Variants in ANKRD11 observed in about 807,000 individuals in gnomAD.
ANKRD11 encodes ankyrin repeat domain 11.
Under a neutral mutation model 195.7 loss-of-function variants are expected in ANKRD11, and 17 were observed. The observed-to-expected ratio is 0.09, with a 90% confidence interval of 0.06 to 0.13. ANKRD11 has a LOEUF of 0.13. ANKRD11 is among the 10% of genes least tolerant of loss of function. The pLI is 1.00. For missense variants in ANKRD11, 3,735 were observed against 3,566.1 expected (o/e 1.05, Z -1.21); for synonymous variants, 1,953 against 1,528.1 (o/e 1.28, Z -6.49).
intron 1 of ANKRD11, among the ~76,000 whole-genome samples, chr16:89,445,755 A>T (rs2043757436): frequency 6.6e-6 from 1 of 151,976 alleles, no homozygotes; most frequent in South Asian, 2.1e-4. Context: ...CAGGCAGATC[A>T]CCTGAGGTCA....
intron 2 of ANKRD11, among the ~76,000 whole-genome samples, chr16:89,320,675 G>A (rs1329180487): frequency 2.0e-5 from 3 of 152,152 alleles, no homozygotes; most frequent in Admixed American, 6.5e-5. Context: ...AAGCCACGGC[G>A]CCAAAGCTGT....
chr16:89,322,106 T>C (rs1384552135), intron 2 of ANKRD11, among the ~76,000 whole-genome samples: 1 of 152,136 alleles, frequency 6.6e-6, no homozygotes, highest in East Asian at 1.9e-4. Flanking sequence ...TTAGTTAAGT[T>C]TGGGGAAAGT....
Position 89,284,748 on chromosome 16 carries a change from G to A in ANKRD11, c.1794C>T (p.His598=). The change falls in exon 9 of 13, where the codon CAC becomes CAT. Residue 598 remains histidine (H), a synonymous_variant. Transcript: ENST00000301030. ...SLKPVRKRQE[H]RKRASLSEKK... ...TCTCCGACAGGGAGGCTCGCTTCCT[G>A]TGCTCCTGCCTCTTCCTCACTGGCT... is the stretch of plus-strand genomic sequence containing the variant. 1 of 1,613,558 alleles carries A rather than the reference G, an allele frequency of 6.2e-7. No individual in the cohort carries two copies. The highest frequency in any genetic ancestry group is 8.5e-7 in the Non-Finnish European group (1 of 1,179,976).
chr16:89,484,591 C>G (rs145046475), intron 1 of ANKRD11, among the ~76,000 whole-genome samples: 46 of 152,274 alleles, frequency 3.0e-4, no homozygotes, highest in African/African-American at 1.1e-3. Flanking sequence ...CGAGGAAGGG[C>G]AACTTACTAT....
intron 2 of ANKRD11, among the ~76,000 whole-genome samples, chr16:89,333,609 C>T (rs2038181516): frequency 6.6e-6 from 1 of 152,198 alleles, no homozygotes; most frequent in African/African-American, 2.4e-5. Context: ...AGAGTCGGAA[C>T]CCTACAGTGT....
chr16:89,464,607 T>TA (rs377695519), intron 1 of ANKRD11, among the ~76,000 whole-genome samples: 58,462 of 116,040 alleles, frequency 0.5, 14,274 homozygotes, highest in Middle Eastern at 0.65. Flanking sequence ...GACTCCATCT[T>TA]AAAAAAAAAA....
chr16:89,459,591 A>G lies in ANKRD11; in HGVS notation c.-145+30654T>C, dbSNP rs543890357. On this transcript the variant is annotated intron_variant, in intron 1 of 12. Coordinates refer to ENST00000301030, the MANE Select transcript of ANKRD11 (RefSeq NM_013275.6). ...TCAGTTCCTGCATAATATGTTTGGTAAACAACTAAAAAACTGATTCCTAGT... is the reference window on the plus strand; with the variant it reads ...TCAGTTCCTGCATAATATGTTTGGTGAACAACTAAAAAACTGATTCCTAGT... Among the ~76,000 whole-genome samples the G allele has an allele frequency of 2.6e-5, 4 of 152,310 alleles. No homozygotes were observed. In the East Asian group the frequency reaches 7.7e-4, roughly 29 times the overall value.
At chr16:89,344,439 T>G (rs1014876655) in intron 2 of ANKRD11, among the ~76,000 whole-genome samples, 2 of 152,198 alleles carry the variant, frequency 1.3e-5, no homozygotes, top group Non-Finnish European at 2.9e-5. Context: ...GGGCCACTGC[T>G]GTCCACACAC....
At chr16:89,419,883 A>G (rs958226938) in intron 1 of ANKRD11, among the ~76,000 whole-genome samples, 7 of 152,166 alleles carry the variant, frequency 4.6e-5, no homozygotes, top group African/African-American at 7.2e-5. Flanking sequence ...ACCATTAAAA[A>G]TAAGTGTGTG....
At position 89,304,293 on chromosome 16, in the gene ANKRD11, T is replaced by C. The variant is rs528257680; in HGVS notation, c.226+913A>G. Among the ~76,000 whole-genome samples, 8 of 151,426 alleles carry C rather than the reference T, an allele frequency of 5.3e-5. No individual in the cohort carries two copies. The East Asian group carries it at 1.6e-3, about 29-fold the overall frequency. On this transcript the variant is annotated intron_variant, in intron 4 of 12. Transcript: ENST00000301030. ...ACACGGGCACACAGGCATGCACACATGGGCACACAGGCACACACGTACACA... is the reference window on the plus strand; with the variant it reads ...ACACGGGCACACAGGCATGCACACACGGGCACACAGGCACACACGTACACA...
intron 9 of ANKRD11, among the ~76,000 whole-genome samples, chr16:89,277,055 TA>T (rs35025100): frequency 4.4e-4 from 63 of 143,324 alleles, no homozygotes; most frequent in Non-Finnish European, 4.6e-4. Context: ...GACTCTGTCT[TA>T]AAAAAAAAAA....
rs2042012154 is a variant in ANKRD11, at chr16:89,408,914, G to A, written c.-60+9370C>T. On this transcript the variant is annotated intron_variant, in intron 2 of 12. Coordinates refer to ENST00000301030, the MANE Select transcript of ANKRD11 (RefSeq NM_013275.6). ...CATGTGCCTCTCACAGACCTTAGGA[G>A]TTACTGGGAAATACAAGTGAACAGG... is the stretch of plus-strand genomic sequence containing the variant. 2.0e-5 allele frequency among the ~76,000 whole-genome samples: 3 copies of A among 152,350 alleles called. No homozygotes were observed. In the Middle Eastern group the frequency reaches 0.01, roughly 518 times the overall value.
chr16:89,321,838 C>T (rs2037347231), intron 2 of ANKRD11, among the ~76,000 whole-genome samples: 1 of 152,220 alleles, frequency 6.6e-6, no homozygotes, highest in Admixed American at 6.5e-5. Context: ...TCTTCCACCT[C>T]TGCCTCTCCT....
chr16:89,488,392 A>G (rs1421159949), intron 1 of ANKRD11, among the ~76,000 whole-genome samples: 2 of 151,862 alleles, frequency 1.3e-5, no homozygotes, highest in Non-Finnish European at 2.9e-5. Flanking sequence ...CACACCAACT[A>G]TACGAGATCC....
At chr16:89,331,886 C>T (rs139362368) in intron 2 of ANKRD11, among the ~76,000 whole-genome samples, 50 of 151,550 alleles carry the variant, frequency 3.3e-4, no homozygotes, top group East Asian at 2.4e-3. Context: ...TCCGGGTTAA[C>T]GGGCTGGGGT....
chr16:89,479,130 G>T (rs183357144), intron 1 of ANKRD11, among the ~76,000 whole-genome samples: 2 of 151,922 alleles, frequency 1.3e-5, no homozygotes, highest in Admixed American at 1.3e-4. Context: ...AGCAAGTCAC[G>T]CCACCACCTA....
intron 1 of ANKRD11, among the ~76,000 whole-genome samples, chr16:89,438,625 GCCCA>G (rs2043316690): frequency 1.3e-5 from 2 of 152,030 alleles, no homozygotes; most frequent in Admixed American, 1.3e-4. Context: ...GAGCCACCGT[GCCCA>G]TCCAAGAAAA....
Position 89,280,985 on chromosome 16 carries a change from G to A in ANKRD11, c.5557C>T (p.Pro1853Ser). ...FACLSPGYYS[P>S]DYGLPSPKVD... is the part of the protein sequence containing the mutation. ...TTGGGCGACGGGAGGCCATAGTCTG[G>A]GGAGTAGTACCCTGGCGACAAGCAG... Residue 1853 changes from proline (P) to serine (S), a missense_variant, in exon 9 of 13, where the codon CCA becomes TCA. Transcript: ENST00000301030. The A allele has an allele frequency of 1.3e-6, 2 of 1,575,924 alleles. No homozygotes were observed. Among genetic ancestry groups the A allele is most frequent in the Non-Finnish European group, 1.7e-6 (2 of 1,158,870 alleles).
intron 1 of ANKRD11, among the ~76,000 whole-genome samples, chr16:89,480,723 A>G (rs2057417712): frequency 6.6e-6 from 1 of 151,982 alleles, no homozygotes; most frequent in African/African-American, 2.4e-5. Context: ...CTTGGCCCAC[A>G]TTTTACACTG....
Sources: allele counts gnomAD v4.1 joint callset (sites outside exome capture counted in the v4.1 genomes callset), GRCh38; gene constraint gnomAD v4.1.1; transcripts MANE v1.5; gene names NCBI Gene and HGNC (gene_info 2026-07-23, HGNC 2026-07-21).